Variants in CGNL1 observed in about 807,000 individuals in gnomAD.
CGNL1 encodes the protein cingulin-like protein 1.
Under a neutral mutation model 141.2 loss-of-function variants are expected in CGNL1, and 132 were observed. The ratio of observed to expected loss-of-function variants is 0.93; its 90% CI spans 0.81 to 1.08. The LOEUF (loss-of-function observed/expected upper bound fraction) is 1.08, where lower values mean the gene tolerates loss of function less well. CGNL1 is among the 50% of genes least tolerant of loss of function. CGNL1 has a pLI of 0.00. For synonymous variants in CGNL1, 690 were observed against 622.1 expected, an observed-to-expected ratio of 1.11 and a Z score of -1.63; for missense variants, 1,870 against 1,588.6, an observed-to-expected ratio of 1.18 and a Z score of -3.01.
At chr15:57,443,820 G>A (rs770703805) in intron 4 of CGNL1, among the ~76,000 whole-genome samples, 9 of 152,160 alleles carry the variant, frequency 5.9e-5, no homozygotes, top group Admixed American at 2.6e-4. Context: ...CTGCATACAG[G>A]CTATGCAGGG....
At chr15:57,412,641 TC>T (rs1236635901) in intron 1 of CGNL1, among the ~76,000 whole-genome samples, 2 of 152,196 alleles carry the variant, frequency 1.3e-5, no homozygotes, top group African/African-American at 4.8e-5. Flanking sequence ...TTGACGCATC[TC>T]TGTGAGAAAG....
chr15:57,378,475 T>C (rs974445858), intron 1 of CGNL1, among the ~76,000 whole-genome samples: 4 of 144,738 alleles, frequency 2.8e-5, no homozygotes, highest in Non-Finnish European at 3.0e-5. Flanking sequence ...TCGGCCTCCC[T>C]GGTTCAAATG....
chr15:57,418,329 G>A (rs2062873233), intron 1 of CGNL1, among the ~76,000 whole-genome samples: 1 of 152,068 alleles, frequency 6.6e-6, no homozygotes, highest in African/African-American at 2.4e-5. Flanking sequence ...TCCATCTCAT[G>A]CCTCATTTTT....
At chr15:57,528,511 A>G in intron 12 of CGNL1, 143 bp from the exon 13 acceptor site, 1 of 761,478 alleles carries the variant, frequency 1.3e-6, no homozygotes, top group South Asian at 2.0e-5. Flanking sequence ...GGGAGGTAGG[A>G]CTTGCTCAAG....
chr15:57,509,218 T>A (rs2029999604), intron 8 of CGNL1, among the ~76,000 whole-genome samples: 1 of 152,168 alleles, frequency 6.6e-6, no homozygotes, highest in African/African-American at 2.4e-5. Flanking sequence ...TCAGCTGGGA[T>A]CCTGCAGCCC....
chr15:57,429,055 C>T (rs1207242705), intron 1 of CGNL1, among the ~76,000 whole-genome samples: 1 of 151,486 alleles, frequency 6.6e-6, no homozygotes, highest in Non-Finnish European at 1.5e-5. Flanking sequence ...AAAAAAAGTG[C>T]AGCTGCACAG....
intron 1 of CGNL1, chr15:57,394,099 C>CTTTTTTTTTTT (rs1555429893): frequency 2.6e-4 from 9 of 34,168 alleles, no homozygotes; most frequent in South Asian, 1.9e-3. Flanking sequence ...AGGGTAATTT[C>CTTTTTTTTTTT]TGTTTGTTTT....
At chr15:57,381,397 A>G (rs2062423258) in intron 1 of CGNL1, among the ~76,000 whole-genome samples, 1 of 152,072 alleles carries the variant, frequency 6.6e-6, no homozygotes, top group African/African-American at 2.4e-5. Context: ...CCGCCTCTAC[A>G]AAAAAATACA....
In CGNL1 at chr15:57,451,416, C is replaced by T; in HGVS notation, c.1804-84C>T. 1.1e-5 allele frequency: 11 copies of T among 961,926 alleles called. No homozygotes were observed. The South Asian group carries it at 1.3e-4, about 12-fold the overall frequency. 59.6% of individuals were successfully genotyped at this position (961,926 alleles called of 1,614,324 possible). A position where few individuals can be genotyped will look rare whatever the true frequency, so the allele number is the denominator to read the frequency against. ...TAGTGTTATGCCTCATCTGTTACTG[C>T]ACTGATTATATTTGGAGGGGGAAGA... On this transcript the variant is annotated intron_variant, in intron 4 of 18. Transcript: ENST00000281282.
At chr15:57,531,561 T>C (rs1738950251) in intron 13 of CGNL1, 129 bp from the exon 14 acceptor site, 1 of 670,576 alleles carries the variant, frequency 1.5e-6, no homozygotes, top group Non-Finnish European at 2.7e-6. Flanking sequence ...AATAGATATA[T>C]TGTTTTTCCA....
chr15:57,507,630 C>T (rs2064120976), intron 8 of CGNL1, among the ~76,000 whole-genome samples: 1 of 152,274 alleles, frequency 6.6e-6, no homozygotes, highest in South Asian at 2.1e-4. Context: ...CTTCATTAAG[C>T]AAGGTATATG....
intron 1 of CGNL1, among the ~76,000 whole-genome samples, chr15:57,386,113 A>G (rs1426475706): frequency 1.3e-5 from 2 of 152,242 alleles, no homozygotes; most frequent in African/African-American, 2.4e-5. Flanking sequence ...TTTTCTCTCC[A>G]TTAAACATGA....
intron 14 of CGNL1, among the ~76,000 whole-genome samples, chr15:57,541,082 G>C (rs2032539594): frequency 6.6e-6 from 1 of 152,240 alleles, no homozygotes; most frequent in Non-Finnish European, 1.5e-5. Flanking sequence ...TGTATCATTG[G>C]CCAGCTCGGG....
chr15:57,467,994 C>G (rs1304644007), intron 8 of CGNL1, among the ~76,000 whole-genome samples: 1 of 152,070 alleles, frequency 6.6e-6, no homozygotes, highest in Non-Finnish European at 1.5e-5. Flanking sequence ...CCGGCTAAGT[C>G]TCTGAGTTTT....
intron 8 of CGNL1, among the ~76,000 whole-genome samples, chr15:57,470,105 A>G (rs1472796607): frequency 6.6e-6 from 1 of 152,186 alleles, no homozygotes; most frequent in African/African-American, 2.4e-5. Context: ...GAGCTGGAGA[A>G]GTGGTGGGGT....
rs1439801796 is a variant in CGNL1 at position 57,453,745 on chromosome 15, A to G, written c.2117A>G (p.Gln706Arg). ...ACTGAGATCAGGGATCTCCAGGACC[A>G]GCTCTCAGAAATGCACGATGAACTG... ...HQTEIRDLQDQLSEMHDELDS... is the reference protein window; with the variant it reads ...HQTEIRDLQDRLSEMHDELDS... The change falls in exon 7 of 19, where the codon CAG (glutamine) becomes CGG (arginine). Residue 706 changes from glutamine (Q) to arginine (R), a missense_variant. Gln to Arg is a conservative substitution (Grantham distance 43). Coordinates refer to ENST00000281282, the MANE Select transcript of CGNL1 (RefSeq NM_032866.5). The G allele has an allele frequency of 1.2e-6, 2 of 1,613,946 alleles. No homozygotes were observed. Among genetic ancestry groups the G allele is most frequent in the Non-Finnish European group, 1.7e-6 (2 of 1,179,970 alleles).
chr15:57,383,141 G>GGAATGTTCACTTAGAGTGGT (rs1321288296), intron 1 of CGNL1, among the ~76,000 whole-genome samples: 2 of 152,102 alleles, frequency 1.3e-5, no homozygotes, highest in African/African-American at 4.8e-5. Context: ...TCAAAAACCT[G>GGAATGTTCACTTAGAGTGGT]GAATGTTCAC....
chr15:57,444,787 G>T (rs1312977248), intron 4 of CGNL1, among the ~76,000 whole-genome samples: 1 of 152,208 alleles, frequency 6.6e-6, no homozygotes, highest in African/African-American at 2.4e-5. Flanking sequence ...CTGAGGAAGA[G>T]CCTGGTAGCA....
rs189594118 is a variant in CGNL1 at position 57,549,085 on chromosome 15, C to T, written c.*1595C>T. 5.1e-3 allele frequency: 783 copies of T among 152,456 alleles called. 6 individuals are homozygous for T. Among genetic ancestry groups the T allele is most frequent in the Non-Finnish European group, 7.8e-3 (530 of 68,168 alleles). The allele number at this position is 152,456 out of a possible 1,614,324, so 9.4% of individuals were successfully genotyped here. ...GCAGGGAGTGGTTGAGGTCTGGGGG[C>T]CAGGCCACATGGCTGGAGAGGAATT... On this transcript the variant is annotated 3_prime_UTR_variant, in exon 19 of 19. Transcript: ENST00000281282.
Sources: allele counts gnomAD v4.1 joint callset (sites outside exome capture counted in the v4.1 genomes callset), GRCh38; gene constraint gnomAD v4.1.1; transcripts MANE v1.5; gene names NCBI Gene and HGNC (gene_info 2026-07-23, HGNC 2026-07-21).